Variants in GRIA4 observed in about 807,000 individuals in gnomAD.
The protein encoded by GRIA4 is glutamate receptor 4.
In GRIA4, 34 loss-of-function variants were observed where a neutral mutation model predicts 104.0. The ratio of observed to expected loss-of-function variants is 0.33; its 90% CI spans 0.25 to 0.44. The LOEUF (loss-of-function observed/expected upper bound fraction) is 0.44, where lower values mean the gene tolerates loss of function less well. Among genes scored for constraint, GRIA4 ranks in the 20% least tolerant of loss-of-function variants. The pLI is 1.00. For missense variants in GRIA4, 750 were observed against 1,096.5 expected (o/e 0.68, Z 4.46); for synonymous variants, 386 against 381.9 (o/e 1.01, Z -0.13).
chr11:105,830,589 C>A (rs1943939071), intron 4 of GRIA4, among the ~76,000 whole-genome samples: 1 of 152,094 alleles, frequency 6.6e-6, no homozygotes, highest in Non-Finnish European at 1.5e-5. Context: ...GTCTTATACA[C>A]AAGTGAGCAG....
intron 14 of GRIA4, among the ~76,000 whole-genome samples, chr11:105,963,412 T>C (rs938278593): frequency 2.6e-5 from 4 of 152,090 alleles, no homozygotes; most frequent in East Asian, 3.8e-4. Flanking sequence ...AGTTAGACAA[T>C]TGTAGAAAAC....
intron 4 of GRIA4, among the ~76,000 whole-genome samples, chr11:105,848,965 G>C (rs1422370686): frequency 1.3e-5 from 2 of 152,132 alleles, no homozygotes; most frequent in African/African-American, 4.8e-5. Context: ...GGCCAAGGCA[G>C]GTGGATCACC....
chr11:105,776,081 A>G (rs1171596840), intron 4 of GRIA4, among the ~76,000 whole-genome samples: 2 of 152,096 alleles, frequency 1.3e-5, no homozygotes, highest in Non-Finnish European at 2.9e-5. Flanking sequence ...ATAGTACCTA[A>G]CAATTTTATT....
chr11:105,844,917 A>G (rs1944528995), intron 4 of GRIA4, among the ~76,000 whole-genome samples: 1 of 152,242 alleles, frequency 6.6e-6, no homozygotes, highest in South Asian at 2.1e-4. Context: ...AGTATGGCAC[A>G]GCGGGAATGT....
chr11:105,903,798 A>T lies in GRIA4; in HGVS notation c.886-16A>T. The T allele has an allele frequency of 6.4e-7, 1 of 1,570,816 alleles. No individual in the cohort carries two copies. The highest frequency in any genetic ancestry group is 8.8e-7 in the Non-Finnish European group (1 of 1,142,406). ...GATTTTAACATTTACCATTATGTTC[A>T]TTTTCATTTGGTTAGTACACCTCTG... is the stretch of plus-strand genomic sequence containing the variant. On this transcript the variant is annotated splice_polypyrimidine_tract_variant and intron_variant, in intron 7 of 16. Transcript: ENST00000282499.
At chr11:105,707,254 T>C (rs894911429) in intron 3 of GRIA4, 4 of 153,410 alleles carry the variant, frequency 2.6e-5, no homozygotes, top group East Asian at 1.9e-4. Context: ...TTCATCCTCA[T>C]GACTTAGAAA....
intron 14 of GRIA4, among the ~76,000 whole-genome samples, chr11:105,949,926 C>T (rs1204856634): frequency 6.6e-6 from 1 of 152,104 alleles, no homozygotes; most frequent in Non-Finnish European, 1.5e-5. Context: ...ATTTACTAGC[C>T]AATCAACTTT....
intron 5 of GRIA4, among the ~76,000 whole-genome samples, chr11:105,875,830 G>T (rs1188861482): frequency 2.6e-5 from 4 of 151,740 alleles, no homozygotes; most frequent in Non-Finnish European, 5.9e-5. Flanking sequence ...CTAGCTAGTG[G>T]TCTATCTATT....
At chr11:105,936,963 T>C (rs1159373154) in intron 14 of GRIA4, among the ~76,000 whole-genome samples, 1 of 152,130 alleles carries the variant, frequency 6.6e-6, no homozygotes. Context: ...AAATTGTTGG[T>C]TTATTGTATT....
rs1270556985 is a variant in GRIA4, at chr11:105,725,523, C to T, written c.248-27458C>T. ...AGGTGTCAGAAACCTCATCATGTGT[C>T]GAAACCACATGATTTATTTGCAGGG... On this transcript the variant is annotated intron_variant, in intron 3 of 16. Coordinates refer to ENST00000282499, the MANE Select transcript of GRIA4 (RefSeq NM_000829.4). 5.9e-5 allele frequency among the ~76,000 whole-genome samples: 9 copies of T among 151,962 alleles called. No homozygotes were observed. The East Asian group carries it at 1.2e-3, about 20-fold the overall frequency.
intron 3 of GRIA4, among the ~76,000 whole-genome samples, chr11:105,691,495 T>C (rs1288377183): frequency 6.6e-6 from 1 of 152,222 alleles, no homozygotes; most frequent in East Asian, 1.9e-4. Flanking sequence ...TTGCTTGGCT[T>C]AATTAAAAAT....
At chr11:105,611,114 G>A (rs750232811) in intron 2 of GRIA4, 29 bp downstream of exon 2, 10 of 1,496,276 alleles carry the variant, frequency 6.7e-6, no homozygotes, top group South Asian at 3.4e-5. Context: ...GGGTGTGCAT[G>A]TGGCTGGTTG....
intron 5 of GRIA4, among the ~76,000 whole-genome samples, chr11:105,886,138 T>C (rs1437539816): frequency 6.6e-6 from 1 of 152,226 alleles, no homozygotes; most frequent in Non-Finnish European, 1.5e-5. Flanking sequence ...CCAATAGCCA[T>C]GTATACAAAA....
intron 3 of GRIA4, among the ~76,000 whole-genome samples, chr11:105,726,109 C>T (rs957254997): frequency 1.3e-5 from 2 of 152,146 alleles, no homozygotes; most frequent in Non-Finnish European, 2.9e-5. Context: ...CGGATCCTAC[C>T]TCCATAGAGC....
At chr11:105,851,449 A>G (rs1025048586) in intron 4 of GRIA4, among the ~76,000 whole-genome samples, 10 of 152,208 alleles carry the variant, frequency 6.6e-5, no homozygotes, top group African/African-American at 2.4e-4. Flanking sequence ...TAAATGATTT[A>G]ATTAATTCAG....
intron 7 of GRIA4, 32 bp downstream of exon 7, chr11:105,898,459 G>C (rs1328339949): frequency 7.9e-7 from 1 of 1,265,782 alleles, no homozygotes; most frequent in Non-Finnish European, 1.1e-6. Flanking sequence ...CTGTATTACT[G>C]ATAGTTTCAA....
intron 3 of GRIA4, among the ~76,000 whole-genome samples, chr11:105,696,080 G>A (rs1202044325): frequency 6.6e-6 from 1 of 152,136 alleles, no homozygotes; most frequent in African/African-American, 2.4e-5. Flanking sequence ...TTTATGTTGG[G>A]ACTTTTATGT....
chr11:105,916,870 C>A (rs1947421676), intron 10 of GRIA4, among the ~76,000 whole-genome samples: 1 of 152,020 alleles, frequency 6.6e-6, no homozygotes, highest in Non-Finnish European at 1.5e-5. Context: ...AGTTGTACAG[C>A]CATTTCAATC....
chr11:105,665,175 A>G (rs1171593989), intron 3 of GRIA4, among the ~76,000 whole-genome samples: 1 of 152,002 alleles, frequency 6.6e-6, no homozygotes, highest in Non-Finnish European at 1.5e-5. Flanking sequence ...TTTTCCTATT[A>G]GCATTCAAAT....
Sources: allele counts gnomAD v4.1 joint callset (sites outside exome capture counted in the v4.1 genomes callset), GRCh38; gene constraint gnomAD v4.1.1; transcripts MANE v1.5; gene names NCBI Gene and HGNC (gene_info 2026-07-23, HGNC 2026-07-21).